Variants in KIAA0930 observed in about 807,000 individuals in gnomAD.
The protein encoded by KIAA0930 is KIAA0930.
Under a neutral mutation model 43.9 loss-of-function variants are expected in KIAA0930, and 24 were observed. That is an observed-to-expected ratio of 0.55 (90% CI 0.40 to 0.77). The LOEUF is 0.77. Among genes scored for constraint, KIAA0930 ranks in the 30% least tolerant of loss-of-function variants. The pLI is 0.00. For missense variants in KIAA0930, 461 were observed against 574.2 expected (o/e 0.80, Z 2.02); for synonymous variants, 259 against 216.4 (o/e 1.20, Z -1.73).
At chr22:45,205,991 T>C (rs2083634826) in intron 2 of KIAA0930, 79 bp from the exon 3 acceptor site, 2 of 1,565,066 alleles carry the variant, frequency 1.3e-6, no homozygotes, top group Non-Finnish European at 1.7e-6. Flanking sequence ...ATGCAGGCAT[T>C]ACGATGGACA....
chr22:45,213,315 G>C, intron 1 of KIAA0930: 1 of 1,303,080 alleles, frequency 7.7e-7, no homozygotes, highest in Non-Finnish European at 1.0e-6. Context: ...ACAGTGTGTT[G>C]CTCACCCACT....
chr22:45,240,624 C>A lies in KIAA0930; in HGVS notation c.64+16G>T. ...TCACCTCTCCCGGCCCGGCCTCGCCCCCGGGTCCCACTCACCGAGGCCGCA... is the reference window on the plus strand; with the variant it reads ...TCACCTCTCCCGGCCCGGCCTCGCCACCGGGTCCCACTCACCGAGGCCGCA... On this transcript the variant is annotated intron_variant, in intron 1 of 9. Coordinates refer to ENST00000336156, the MANE Select transcript of KIAA0930 (RefSeq NM_001009880.2). 1 of 1,520,658 alleles carries A rather than the reference C, an allele frequency of 6.6e-7. No homozygotes were observed. Among genetic ancestry groups the A allele is most frequent in the African/African-American group, 1.4e-5 (1 of 72,444 alleles). The allele number at this position is 1,520,658 out of a possible 1,614,324, so 94.2% of individuals were successfully genotyped here.
chr22:45,222,945 G>T (rs2083776140), intron 1 of KIAA0930, among the ~76,000 whole-genome samples: 1 of 152,156 alleles, frequency 6.6e-6, no homozygotes. Context: ...GGTCAAAGAG[G>T]ATGTGGAGAA....
chr22:45,228,856 C>T (rs1046539924), intron 1 of KIAA0930, among the ~76,000 whole-genome samples: 1 of 97,440 alleles, frequency 1.0e-5, no homozygotes, highest in Non-Finnish European at 2.0e-5. Flanking sequence ...CCCTCTTCAC[C>T]CCCCAACCAC....
intron 2 of KIAA0930, among the ~76,000 whole-genome samples, chr22:45,206,197 T>A (rs2083636524): frequency 6.6e-6 from 1 of 152,068 alleles, no homozygotes; most frequent in African/African-American, 2.4e-5. Flanking sequence ...TAAAACTTTT[T>A]GTAGATGTGG....
chr22:45,227,222 T>C (rs1469316819), intron 1 of KIAA0930, among the ~76,000 whole-genome samples: 1 of 152,242 alleles, frequency 6.6e-6, no homozygotes, highest in Non-Finnish European at 1.5e-5. Context: ...AAGCACCTTC[T>C]GGGCCCTTCT....
At chr22:45,211,511 C>T in intron 2 of KIAA0930, 1 of 422,090 alleles carries the variant, frequency 2.4e-6, no homozygotes, top group Non-Finnish European at 4.2e-6. Flanking sequence ...GAGCTCAGCA[C>T]TGTGTCTAGA....
intron 1 of KIAA0930, among the ~76,000 whole-genome samples, chr22:45,228,633 C>T (rs963412422): frequency 1.3e-4 from 20 of 152,118 alleles, no homozygotes; most frequent in African/African-American, 4.6e-4. Context: ...GTGGGCAATA[C>T]CTCGCTCAAG....
At chr22:45,213,218 T>A (rs1424921944) in intron 1 of KIAA0930, 1 of 992,804 alleles carries the variant, frequency 1.0e-6, no homozygotes, top group Non-Finnish European at 1.4e-6. Context: ...GCCACAACAC[T>A]AACCAAAGAA....
chr22:45,225,632 G>A (rs762360443), intron 1 of KIAA0930, among the ~76,000 whole-genome samples: 6 of 152,104 alleles, frequency 3.9e-5, no homozygotes, highest in Non-Finnish European at 5.9e-5. Flanking sequence ...GCACAAGCAC[G>A]GCGCCCATTC....
chr22:45,220,982 C>A (rs780377730), intron 1 of KIAA0930, among the ~76,000 whole-genome samples: 3 of 151,950 alleles, frequency 2.0e-5, no homozygotes, highest in Non-Finnish European at 4.4e-5. Flanking sequence ...CTGGTCTCTG[C>A]GTTTCCACCC....
At chr22:45,223,923 G>A (rs1363547528) in intron 1 of KIAA0930, among the ~76,000 whole-genome samples, 1 of 152,138 alleles carries the variant, frequency 6.6e-6, no homozygotes, top group African/African-American at 2.4e-5. Context: ...CACCAGATGA[G>A]CACCCAGGGT....
intron 8 of KIAA0930, 136 bp downstream of exon 8, chr22:45,199,737 G>T: frequency 2.1e-6 from 2 of 944,186 alleles, no homozygotes; most frequent in Non-Finnish European, 3.0e-6. Flanking sequence ...CTGGAGGGCT[G>T]CCTGGCACAT....
chr22:45,228,736 A>AT (rs200756350), intron 1 of KIAA0930, among the ~76,000 whole-genome samples: 1 of 27,220 alleles, frequency 3.7e-5, no homozygotes. Context: ...ATCCCTCTCC[A>AT]CCCCCCTACC....
At chr22:45,198,606 C>A (rs888648105) in intron 8 of KIAA0930, among the ~76,000 whole-genome samples, 5 of 152,320 alleles carry the variant, frequency 3.3e-5, no homozygotes, top group African/African-American at 1.2e-4. Flanking sequence ...CTGCTCCCTG[C>A]TGGGGGAGGT....
At chr22:45,228,051 C>A (rs541915094) in intron 1 of KIAA0930, among the ~76,000 whole-genome samples, 1 of 152,308 alleles carries the variant, frequency 6.6e-6, no homozygotes, top group Non-Finnish European at 1.5e-5. Context: ...GCAGGAGGGA[C>A]CTGCAGATAG....
At chr22:45,222,495 A>C (rs1229986759) in intron 1 of KIAA0930, among the ~76,000 whole-genome samples, 1 of 152,084 alleles carries the variant, frequency 6.6e-6, no homozygotes, top group African/African-American at 2.4e-5. Flanking sequence ...TTTTTTGTAG[A>C]GATGAGGTCT....
intron 2 of KIAA0930, among the ~76,000 whole-genome samples, chr22:45,206,797 C>T (rs907401740): frequency 6.6e-6 from 1 of 151,468 alleles, no homozygotes; most frequent in African/African-American, 2.4e-5. Flanking sequence ...CTCCTGGATT[C>T]TAATGATTCT....
rs758655638 is a variant in KIAA0930 at position 45,211,910 on chromosome 22, G to A, written c.216+46C>T. On this transcript the variant is annotated intron_variant, in intron 2 of 9. Coordinates refer to ENST00000336156, the MANE Select transcript of KIAA0930 (RefSeq NM_001009880.2). The stretch of plus-strand genomic sequence containing the variant: ...GTACACCGAGAGCAGACACCACAGG[G>A]ATGCTTGGGGCACAGACGCAGGGGC... 133 of 1,588,316 alleles carry A rather than the reference G, an allele frequency of 8.4e-5. 1 individual carries two copies. The Middle Eastern group carries it at 2.5e-3, about 30-fold the overall frequency.
Sources: allele counts gnomAD v4.1 joint callset (sites outside exome capture counted in the v4.1 genomes callset), GRCh38; gene constraint gnomAD v4.1.1; transcripts MANE v1.5; gene names NCBI Gene and HGNC (gene_info 2026-07-23, HGNC 2026-07-21).